OSBPL9: variants seen among roughly 807,000 people sequenced by gnomAD.
OSBPL9 encodes oxysterol binding protein like 9.
Under a neutral mutation model 106.6 loss-of-function variants are expected in OSBPL9, and 40 were observed. The ratio of observed to expected loss-of-function variants is 0.38; its 90% CI spans 0.29 to 0.49. OSBPL9 has a LOEUF of 0.49. Among genes scored for constraint, OSBPL9 ranks in the 20% least tolerant of loss-of-function variants. The pLI, the probability that OSBPL9 is intolerant of heterozygous loss-of-function variation, is 0.97. For synonymous variants in OSBPL9, 269 were observed against 295.4 expected, an observed-to-expected ratio of 0.91 and a Z score of 0.92; for missense variants, 609 against 887.2, an observed-to-expected ratio of 0.69 and a Z score of 3.98.
chr1:51,741,345 T>C (rs553173416), intron 4 of OSBPL9, among the ~76,000 whole-genome samples: 1 of 152,124 alleles, frequency 6.6e-6, no homozygotes, highest in Non-Finnish European at 1.5e-5. Flanking sequence ...CTTGACTTTA[T>C]GTATCTACTT....
At chr1:51,601,564 C>T (rs552723512) in intron 2 of OSBPL9, among the ~76,000 whole-genome samples, 1 of 152,358 alleles carries the variant, frequency 6.6e-6, no homozygotes, top group African/African-American at 2.4e-5. Context: ...TTTACCTATA[C>T]TGTTCTCTTT....
intron 2 of OSBPL9, among the ~76,000 whole-genome samples, chr1:51,654,515 C>G (rs1646706335): frequency 6.6e-6 from 1 of 151,932 alleles, no homozygotes; most frequent in Non-Finnish European, 1.5e-5. Flanking sequence ...ATGTATATTT[C>G]CAAAAGAATT....
At chr1:51,534,127 C>T in the OSBPL9 span, among the ~76,000 whole-genome samples, 1 of 151,530 alleles carries the variant, frequency 6.6e-6, no homozygotes, top group Non-Finnish European at 1.5e-5. Flanking sequence ...TCACTTGAAC[C>T]CGGGAGGAGG....
At chr1:51,615,154 CG>C (rs1309467460), upstream of OSBPL9, among the ~76,000 whole-genome samples, 4 of 152,032 alleles carry the variant, frequency 2.6e-5, no homozygotes, top group Non-Finnish European at 4.4e-5. Context: ...TGGGAGGCTG[CG>C]GCAAGAGAAT....
At chr1:51,538,558 T>G in the OSBPL9 span, 1 of 152,228 alleles carries the variant, frequency 6.6e-6, no homozygotes, top group South Asian at 2.1e-4. Flanking sequence ...CTTCCATTCT[T>G]GTTTATTTAA....
intron 4 of OSBPL9, among the ~76,000 whole-genome samples, chr1:51,728,920 G>A (rs1404437785): frequency 6.6e-6 from 1 of 152,182 alleles, no homozygotes; most frequent in African/African-American, 2.4e-5. Flanking sequence ...ACGTTTAGTA[G>A]AGTCCTGAAA....
intron 4 of OSBPL9, among the ~76,000 whole-genome samples, chr1:51,739,714 T>C (rs1453746340): frequency 2.0e-5 from 3 of 152,020 alleles, no homozygotes; most frequent in African/African-American, 7.2e-5. Context: ...CCCCAGAACT[T>C]CCCTGTTCTT....
At chr1:51,683,122 G>A (rs1207748668) in intron 3 of OSBPL9, among the ~76,000 whole-genome samples, 5 of 151,812 alleles carry the variant, frequency 3.3e-5, no homozygotes, top group Non-Finnish European at 7.4e-5. Flanking sequence ...TGATCCGCCC[G>A]CCTCTGCCTC....
intron 2 of OSBPL9, among the ~76,000 whole-genome samples, chr1:51,610,230 A>C (rs557837641): frequency 6.6e-6 from 1 of 151,804 alleles, no homozygotes; most frequent in South Asian, 2.1e-4. Flanking sequence ...GAAACTCTCA[A>C]AAAGGAACTG....
intron 3 of OSBPL9, among the ~76,000 whole-genome samples, chr1:51,691,931 T>C (rs1337572956): frequency 6.6e-6 from 1 of 152,166 alleles, no homozygotes; most frequent in Non-Finnish European, 1.5e-5. Flanking sequence ...CAATACCTTC[T>C]TCTGGAATAC....
At chr1:51,605,265 G>A (rs2148604734) in intron 2 of OSBPL9, among the ~76,000 whole-genome samples, 1 of 152,282 alleles carries the variant, frequency 6.6e-6, no homozygotes, top group South Asian at 2.1e-4. Flanking sequence ...TTAAATAAGG[G>A]AACTGGGATT....
At chr1:51,558,077 A>G in the OSBPL9 span, among the ~76,000 whole-genome samples, 40,728 of 152,030 alleles carry the variant, frequency 0.27, 6,565 homozygotes, top group Middle Eastern at 0.37. Context: ...TCAGGAGATC[A>G]AGACCATCCT....
chr1:51,680,059 GC>G (rs1254482187), intron 3 of OSBPL9, among the ~76,000 whole-genome samples: 2 of 152,024 alleles, frequency 1.3e-5, no homozygotes, highest in Non-Finnish European at 2.9e-5. Flanking sequence ...CATTCTGCCA[GC>G]CTGGCCAACA....
chr1:51,568,521 T>C, the OSBPL9 span, among the ~76,000 whole-genome samples: 5 of 152,278 alleles, frequency 3.3e-5, no homozygotes, highest in African/African-American at 1.2e-4. Flanking sequence ...CTGCCAACAG[T>C]TGGGAATAGA....
At chr1:51,572,524 A>G (rs144934411), upstream of OSBPL9, among the ~76,000 whole-genome samples, 1 of 152,308 alleles carries the variant, frequency 6.6e-6, no homozygotes, top group African/African-American at 2.4e-5. Context: ...TGGATGTTAT[A>G]CAGTGTCTTC....
intron 3 of OSBPL9, among the ~76,000 whole-genome samples, chr1:51,686,417 T>C (rs1051259325): frequency 3.3e-5 from 5 of 152,312 alleles, no homozygotes; most frequent in African/African-American, 1.2e-4. Flanking sequence ...TATACTCATG[T>C]CTGTCTCTTT....
At chr1:51,518,914 TCA>T in the OSBPL9 span, among the ~76,000 whole-genome samples, 1 of 151,216 alleles carries the variant, frequency 6.6e-6, no homozygotes, top group Admixed American at 6.6e-5. Flanking sequence ...CGCGGCCGGG[TCA>T]CAGTCCACTC....
chr1:51,722,500 A>G (rs1662346006), intron 4 of OSBPL9, among the ~76,000 whole-genome samples: 2 of 152,138 alleles, frequency 1.3e-5, no homozygotes, highest in South Asian at 2.1e-4. Flanking sequence ...TTATTTTGCC[A>G]TTTTATAGCA....
intron 2 of OSBPL9, among the ~76,000 whole-genome samples, chr1:51,603,726 C>T (rs932734944): frequency 6.6e-6 from 1 of 152,132 alleles, no homozygotes; most frequent in African/African-American, 2.4e-5. Context: ...CAGCCGGGGT[C>T]TTCTGGCTAA....
Sources: allele counts gnomAD v4.1 joint callset (sites outside exome capture counted in the v4.1 genomes callset), GRCh38; gene constraint gnomAD v4.1.1; transcripts MANE v1.5; gene names NCBI Gene and HGNC (gene_info 2026-07-23, HGNC 2026-07-21).